HSCB: variants seen among roughly 807,000 people sequenced by gnomAD.
HSCB encodes the protein HscB mitochondrial iron-sulfur cluster cochaperone, also known as iron-sulfur cluster co-chaperone protein HscB.
In HSCB, 23 loss-of-function variants were observed where a neutral mutation model predicts 31.3. The observed-to-expected ratio is 0.74, with a 90% CI of 0.53 to 1.04. The LOEUF is 1.04. Among genes scored for constraint, HSCB ranks in the 50% least tolerant of loss-of-function variants. The probability of loss-of-function intolerance (pLI) is 0.00; values close to 1 mark genes in which losing one functional copy is unlikely to be tolerated. For synonymous variants in HSCB, 110 were observed against 104.5 expected, an observed-to-expected ratio of 1.05 and a Z score of -0.32; for missense variants, 297 against 288.1, an observed-to-expected ratio of 1.03 and a Z score of -0.22.
intron 3 of HSCB, 192 bp from the exon 4 acceptor site, chr22:28,745,672 G>C: frequency 2.1e-6 from 1 of 478,934 alleles, no homozygotes; most frequent in Non-Finnish European, 3.7e-6. Flanking sequence ...ACATAGTTTT[G>C]GGTAGCATGA....
intron 5 of HSCB, among the ~76,000 whole-genome samples, chr22:28,756,374 C>T (rs2030597431): frequency 6.6e-6 from 1 of 152,080 alleles, no homozygotes. Flanking sequence ...CTCTATGCCT[C>T]AGCACCTGGC....
chr22:28,745,934 T>A lies in HSCB; in HGVS notation c.494T>A (p.Ile165Lys). ...ATGGACAGGCAATTCCTCATAGAAA[T>A]AATGGAAATCAATGAAAAACTCGCA... Reference protein sequence around the residue: ...YEMDRQFLIEIMEINEKLAEA... With the variant: ...YEMDRQFLIEKMEINEKLAEA... Residue 165 changes from isoleucine (I) to lysine (K), a missense_variant, in exon 4 of 6, where the codon ATA becomes AAA. Transcript: ENST00000216027. 6.2e-7 allele frequency: 1 copy of A among 1,613,560 alleles called. No individual in the cohort carries two copies. Among genetic ancestry groups the A allele is most frequent in the Non-Finnish European group, 8.5e-7 (1 of 1,179,656 alleles).
chr22:28,753,867 G>A (rs202037364), intron 5 of HSCB, among the ~76,000 whole-genome samples: 3 of 151,620 alleles, frequency 2.0e-5, no homozygotes, highest in South Asian at 2.1e-4. Context: ...ACACAGGACC[G>A]GGCGCGGTGG....
At chr22:28,744,810 T>C (rs777723306) in intron 3 of HSCB, 106 bp downstream of exon 3, 22 of 882,938 alleles carry the variant, frequency 2.5e-5, no homozygotes, top group Middle Eastern at 2.7e-4. Flanking sequence ...AGGTCAGGCA[T>C]GGTGGCTCAC....
chr22:28,752,733 CAAA>C (rs374738245), intron 5 of HSCB, among the ~76,000 whole-genome samples: 3 of 128,420 alleles, frequency 2.3e-5, no homozygotes, highest in Non-Finnish European at 1.7e-5. Flanking sequence ...GACTCCATCT[CAAA>C]AAAAAAAAAA....
At chr22:28,745,095 A>C (rs2054662135) in intron 3 of HSCB, among the ~76,000 whole-genome samples, 1 of 150,942 alleles carries the variant, frequency 6.6e-6, no homozygotes, top group Non-Finnish European at 1.5e-5. Flanking sequence ...AATAGTATTT[A>C]GCCTCAGAGC....
intron 5 of HSCB, among the ~76,000 whole-genome samples, chr22:28,752,558 C>T (rs964584264): frequency 9.9e-5 from 15 of 151,218 alleles, no homozygotes; most frequent in African/African-American, 3.2e-4. Flanking sequence ...CACAGTGAAA[C>T]CCTGTCTCTA....
intron 5 of HSCB, among the ~76,000 whole-genome samples, chr22:28,752,109 A>G (rs2030295869): frequency 6.6e-6 from 1 of 150,834 alleles, no homozygotes; most frequent in South Asian, 2.1e-4. Context: ...CAAAAAAAAA[A>G]CCTGAAGGAG....
intron 4 of HSCB, among the ~76,000 whole-genome samples, chr22:28,750,945 C>CTTTTTTTTGTTTT (rs2030188957): frequency 1.8e-5 from 1 of 56,452 alleles, no homozygotes; most frequent in Non-Finnish European, 3.2e-5. Context: ...ATATCTTTGT[C>CTTTTTTTTGTTTT]TTTTTTTTTT....
chr22:28,746,400 A>AAAAG (rs1450010883), intron 4 of HSCB, among the ~76,000 whole-genome samples: 2 of 150,594 alleles, frequency 1.3e-5, no homozygotes, highest in African/African-American at 5.0e-5. Context: ...AAAAAAAAAA[A>AAAAG]AAGGTTATTT....
chr22:28,742,589 T>C, intron 1 of HSCB: 1 of 302,720 alleles, frequency 3.3e-6, no homozygotes, highest in Non-Finnish European at 5.6e-6. Flanking sequence ...TTAGAGGAAA[T>C]AGGGGGGCCG....
intron 4 of HSCB, among the ~76,000 whole-genome samples, chr22:28,750,247 CAAAAAAAAAAAAA>C (rs563701958): frequency 2.3e-4 from 15 of 64,698 alleles, no homozygotes; most frequent in East Asian, 3.8e-4. Context: ...GAAACTGTCT[CAAAAAAAAAAAAA>C]AAAAAAAAAA....
At chr22:28,753,881 A>G (rs2030425862) in intron 5 of HSCB, among the ~76,000 whole-genome samples, 1 of 151,796 alleles carries the variant, frequency 6.6e-6, no homozygotes, top group South Asian at 2.1e-4. Flanking sequence ...GCGGTGGCTC[A>G]CGCCTGTAAT....
At chr22:28,745,587 T>C (rs2054672371) in intron 3 of HSCB, 2 of 226,122 alleles carry the variant, frequency 8.8e-6, no homozygotes, top group Admixed American at 1.1e-4. Context: ...AATTTTATAA[T>C]TGAATAGAAT....
intron 1 of HSCB, chr22:28,742,686 T>C (rs1042505178): frequency 1.7e-5 from 6 of 344,996 alleles, no homozygotes; most frequent in African/African-American, 1.3e-4. Flanking sequence ...AAAGGGTACT[T>C]GAGGGGCAGG....
intron 4 of HSCB, among the ~76,000 whole-genome samples, chr22:28,748,966 C>T (rs2030023461): frequency 6.6e-6 from 1 of 151,812 alleles, no homozygotes; most frequent in Admixed American, 6.6e-5. Flanking sequence ...ATAGCAAGAC[C>T]CCCATCTCCA....
chr22:28,753,040 A>G (rs983592484), intron 5 of HSCB, among the ~76,000 whole-genome samples: 14 of 151,494 alleles, frequency 9.2e-5, no homozygotes, highest in African/African-American at 1.7e-4. Flanking sequence ...GATCACGCCA[A>G]TGCACTCCAA....
rs1296009404 is a variant in HSCB, at chr22:28,742,053, C to T, written c.-43C>T. 3.8e-6 allele frequency: 6 copies of T among 1,567,036 alleles called. No homozygotes were observed. The African/African-American group carries it at 4.1e-5, about 11-fold the overall frequency. ...TTAGTCTGGTTAGACGCTCTCTTTG[C>T]TTTTCCCCACGAGTGACCACGGCTA... On this transcript the variant is annotated 5_prime_UTR_variant, in exon 1 of 6. Transcript: ENST00000216027.
At chr22:28,746,256 C>T (rs970722589) in intron 4 of HSCB, among the ~76,000 whole-genome samples, 4 of 151,750 alleles carry the variant, frequency 2.6e-5, no homozygotes, top group South Asian at 2.1e-4. Context: ...TGGCGGGTGC[C>T]TGTAGTCCCA....
Sources: gnomAD v4.1 joint callset for allele counts (sites outside exome capture counted in the v4.1 genomes callset) on GRCh38, gnomAD v4.1.1 for gene constraint, MANE v1.5 for transcripts, NCBI Gene and HGNC (gene_info 2026-07-23, HGNC 2026-07-21) for gene names.